The following SVEP1 variants were observed in gnomAD, a reference collection of about 807,000 sequenced individuals.
SVEP1 encodes the protein sushi, von Willebrand factor type A, EGF and pentraxin domain containing 1, also known as sushi, von Willebrand factor type A, EGF and pentraxin domain-containing protein 1.
In SVEP1, 164 loss-of-function variants were observed where a neutral mutation model predicts 367.3. The observed-to-expected ratio is 0.45, with a 90% CI of 0.39 to 0.51. SVEP1 has a LOEUF of 0.51. SVEP1 is among the 20% of genes least tolerant of loss of function. The pLI, the probability that SVEP1 is intolerant of heterozygous loss-of-function variation, is 0.00. For synonymous variants in SVEP1, 1,666 were observed against 1,611.6 expected (o/e 1.03, Z -0.81); for missense variants, 4,117 against 4,425.3 (o/e 0.93, Z 1.98).
At chr9:110,375,488 A>AAAAAAG (rs1359957643) in intron 45 of SVEP1, 25 bp from the exon 46 acceptor site, 1 of 1,386,986 alleles carries the variant, frequency 7.2e-7, no homozygotes, top group Non-Finnish European at 9.8e-7. Flanking sequence ...AAAAAAAAAA[A>AAAAAAG]AAGGAGGCAG....
intron 43 of SVEP1, among the ~76,000 whole-genome samples, chr9:110,379,776 T>C (rs578115233): frequency 3.2e-4 from 48 of 152,312 alleles, no homozygotes; most frequent in African/African-American, 1.1e-3. Context: ...AAGCAGTCTG[T>C]AGGACACCAA....
At chr9:110,548,078 C>A (rs1830242171) in intron 2 of SVEP1, among the ~76,000 whole-genome samples, 1 of 152,162 alleles carries the variant, frequency 6.6e-6, no homozygotes. Context: ...ATTTCATAAT[C>A]CCATCTGGCA....
At chr9:110,542,925 T>C (rs900504043) in intron 3 of SVEP1, among the ~76,000 whole-genome samples, 7 of 149,866 alleles carry the variant, frequency 4.7e-5, no homozygotes, top group Non-Finnish European at 7.4e-5. Flanking sequence ...GTAACAAACC[T>C]GCACGTTGTG....
intron 1 of SVEP1, among the ~76,000 whole-genome samples, chr9:110,576,701 C>T (rs1206943104): frequency 1.3e-5 from 2 of 151,892 alleles, no homozygotes; most frequent in Non-Finnish European, 2.9e-5. Context: ...TTAAAAGATG[C>T]TATTCATGAC....
chr9:110,438,263 T>G (rs1202929473), intron 27 of SVEP1, among the ~76,000 whole-genome samples: 1 of 143,554 alleles, frequency 7.0e-6, no homozygotes, highest in Non-Finnish European at 1.5e-5. Context: ...CTCAGCTCAA[T>G]GCAACCTCTA....
rs1277042092 is a variant in SVEP1 at position 110,516,089 on chromosome 9, T to TCATTATAATATACTAAAC, written c.965-1984_965-1983insGTTTAGTATATTATAATG. Among the ~76,000 whole-genome samples the TCATTATAATATACTAAAC allele has an allele frequency of 2.2e-4, 33 of 151,130 alleles. No homozygotes were observed. The East Asian group carries it at 5.6e-3, about 26-fold the overall frequency. On this transcript the variant is annotated intron_variant, in intron 3 of 47. Transcript: ENST00000374469. The stretch of plus-strand genomic sequence containing the variant: ...AGGCCCCTTGGATGCTAAAGCTAAA[T>TCATTATAATATACTAAAC]CATTATAATATACTAAATCATTATA...
At chr9:110,486,656 T>TCTC (rs5899901) in intron 9 of SVEP1, among the ~76,000 whole-genome samples, 37 of 137,410 alleles carry the variant, frequency 2.7e-4, no homozygotes, top group East Asian at 6.4e-4. Context: ...TCTCTCTCTC[T>TCTC]TTTTTTTTTT....
At chr9:110,571,328 A>G (rs989943633) in intron 1 of SVEP1, among the ~76,000 whole-genome samples, 2 of 152,164 alleles carry the variant, frequency 1.3e-5, no homozygotes, top group African/African-American at 4.8e-5. Context: ...AACTAAGGGT[A>G]AGCATGAAAC....
chr9:110,462,819 A>G (rs1828878204), intron 18 of SVEP1, among the ~76,000 whole-genome samples: 1 of 152,010 alleles, frequency 6.6e-6, no homozygotes, highest in Non-Finnish European at 1.5e-5. Flanking sequence ...AAAATGTCAT[A>G]TCACTTGTGC....
intron 6 of SVEP1, among the ~76,000 whole-genome samples, chr9:110,499,730 A>G (rs1270932173): frequency 6.6e-6 from 1 of 152,214 alleles, no homozygotes; most frequent in Non-Finnish European, 1.5e-5. Flanking sequence ...CTTGAATGCT[A>G]TATTTAGCAC....
At chr9:110,411,020 C>T in intron 37 of SVEP1, 43 bp downstream of exon 37, 1 of 1,487,224 alleles carries the variant, frequency 6.7e-7, no homozygotes, top group South Asian at 1.4e-5. Context: ...TATTATGGGC[C>T]CTGTGACAAA....
chr9:110,462,241 G>T (rs757844609), intron 18 of SVEP1, among the ~76,000 whole-genome samples: 6 of 151,940 alleles, frequency 3.9e-5, no homozygotes, highest in Non-Finnish European at 8.8e-5. Flanking sequence ...GTACTAAGAT[G>T]TAATAGTAAT....
At chr9:110,480,794 A>G (rs1030864503) in intron 12 of SVEP1, among the ~76,000 whole-genome samples, 7 of 150,314 alleles carry the variant, frequency 4.7e-5, no homozygotes, top group Admixed American at 1.3e-4. Flanking sequence ...ACCAGGCCCA[A>G]CTAATTTTTT....
At chr9:110,501,301 G>A (rs974936757) in intron 6 of SVEP1, among the ~76,000 whole-genome samples, 2 of 150,930 alleles carry the variant, frequency 1.3e-5, no homozygotes, top group African/African-American at 2.4e-5. Context: ...GGTTCCACAC[G>A]TTTCTATTTA....
At chr9:110,575,700 C>T (rs1392081758) in intron 1 of SVEP1, among the ~76,000 whole-genome samples, 1 of 152,004 alleles carries the variant, frequency 6.6e-6, no homozygotes, top group African/African-American at 2.4e-5. Context: ...AAAATTAAAG[C>T]GCTGAGAAAA....
At chr9:110,553,628 G>T (rs1830318713) in intron 1 of SVEP1, among the ~76,000 whole-genome samples, 1 of 152,188 alleles carries the variant, frequency 6.6e-6, no homozygotes. Flanking sequence ...ATATCCAGGG[G>T]AGACAGGCCC....
chr9:110,386,186 T>A, intron 42 of SVEP1, 112 bp from the exon 43 acceptor site: 2 of 1,186,722 alleles, frequency 1.7e-6, no homozygotes, highest in Non-Finnish European at 2.3e-6. Context: ...AATGATCATA[T>A]AAGGTTTAAA....
At chr9:110,527,199 T>C (rs564243685) in intron 3 of SVEP1, among the ~76,000 whole-genome samples, 1 of 152,180 alleles carries the variant, frequency 6.6e-6, no homozygotes, top group African/African-American at 2.4e-5. Context: ...ATATAGAGGA[T>C]ATCCTTTAAA....
At chr9:110,444,022 T>C (rs1828554160) in intron 26 of SVEP1, among the ~76,000 whole-genome samples, 1 of 152,202 alleles carries the variant, frequency 6.6e-6, no homozygotes. Flanking sequence ...ACCAACTGGC[T>C]GTTTTGGAGA....
Sources: allele counts gnomAD v4.1 joint callset (sites outside exome capture counted in the v4.1 genomes callset), GRCh38; gene constraint gnomAD v4.1.1; transcripts MANE v1.5; gene names NCBI Gene and HGNC (gene_info 2026-07-23, HGNC 2026-07-21).